The following FOXP2 variants were observed in gnomAD, a reference collection of about 807,000 sequenced individuals.
The protein encoded by FOXP2 is forkhead box P2.
FOXP2 carries 12 observed loss-of-function variants against 115.8 expected under a neutral mutation model. The ratio of observed to expected loss-of-function variants is 0.10; its 90% CI spans 0.07 to 0.17. The LOEUF (loss-of-function observed/expected upper bound fraction) is 0.17, where lower values mean the gene tolerates loss of function less well. FOXP2 is among the 10% of genes least tolerant of loss of function. FOXP2 has a pLI of 1.00. For synonymous variants in FOXP2, 328 were observed against 297.7 expected (o/e 1.10, Z -1.05); for missense variants, 629 against 843.5 (o/e 0.75, Z 3.15).
intron 3 of FOXP2, among the ~76,000 whole-genome samples, chr7:114,611,265 T>G (rs1803614431): frequency 6.6e-6 from 1 of 152,252 alleles, no homozygotes; most frequent in Non-Finnish European, 1.5e-5. Flanking sequence ...TGAACACATT[T>G]AAAAATTTTA....
chr7:114,418,155 G>A (rs143840670), intron 1 of FOXP2, among the ~76,000 whole-genome samples: 1 of 151,932 alleles, frequency 6.6e-6, no homozygotes, highest in Non-Finnish European at 1.5e-5. Context: ...CTTCTGGAAA[G>A]ATTATTTTTC....
chr7:114,286,030 A>G (rs1033299072), intron 1 of FOXP2, among the ~76,000 whole-genome samples: 21 of 151,928 alleles, frequency 1.4e-4, no homozygotes, highest in African/African-American at 5.1e-4. Flanking sequence ...ATATTTGCCT[A>G]ATTTTTTTTC....
chr7:114,585,762 G>A (rs1277342459), intron 3 of FOXP2, among the ~76,000 whole-genome samples: 1 of 152,118 alleles, frequency 6.6e-6, no homozygotes, highest in East Asian at 1.9e-4. Flanking sequence ...AGCTACTTGG[G>A]AGGCTGAAGT....
chr7:114,110,769 C>T (rs548861098), intron 1 of FOXP2, among the ~76,000 whole-genome samples: 2 of 152,242 alleles, frequency 1.3e-5, no homozygotes, highest in East Asian at 3.9e-4. Flanking sequence ...GTAGGGGGAA[C>T]TACTTGGCCC....
At chr7:114,204,465 G>A (rs1248109895) in intron 1 of FOXP2, among the ~76,000 whole-genome samples, 1 of 152,024 alleles carries the variant, frequency 6.6e-6, no homozygotes, top group Non-Finnish European at 1.5e-5. Context: ...GTAAGGAAGG[G>A]GTTTAACTCA....
intron 2 of FOXP2, among the ~76,000 whole-genome samples, chr7:114,490,855 A>G (rs1346725228): frequency 6.6e-6 from 1 of 152,124 alleles, no homozygotes; most frequent in Non-Finnish European, 1.5e-5. Flanking sequence ...TTATGGCTGC[A>G]TAGTATTCCA....
intron 2 of FOXP2, among the ~76,000 whole-genome samples, chr7:114,454,228 C>G (rs2129220677): frequency 6.6e-6 from 1 of 152,124 alleles, no homozygotes; most frequent in South Asian, 2.1e-4. Context: ...AGACACTTCT[C>G]AAAAGAAGAC....
chr7:114,213,131 T>C (rs1047843340), intron 1 of FOXP2, among the ~76,000 whole-genome samples: 15 of 152,234 alleles, frequency 9.9e-5, no homozygotes, highest in African/African-American at 3.1e-4. Flanking sequence ...ACTATCCCAT[T>C]GTTTTCTGGA....
Position 114,691,547 on chromosome 7 carries a change from T to C in FOXP2, c.*1621T>C, listed in dbSNP as rs1236694880. 2.2e-6 allele frequency: 1 copy of C among 453,968 alleles called. No homozygotes were observed. Among genetic ancestry groups the C allele is most frequent in the Non-Finnish European group, 4.4e-6 (1 of 226,744 alleles). The allele number at this position is 453,968 out of a possible 1,614,324, so 28.1% of individuals were successfully genotyped here. A position where few individuals can be genotyped will look rare whatever the true frequency, so the allele number is the denominator to read the frequency against. ...TTGACAATTCCAAACCCCAAAACTA[T>C]GATAATGAGTTATGATGTAGTTGAA... On this transcript the variant is annotated 3_prime_UTR_variant, in exon 17 of 17. Coordinates refer to ENST00000350908, the MANE Select transcript of FOXP2 (RefSeq NM_014491.4).
rs755320772 is a variant in FOXP2, at chr7:114,693,362, G to A, written c.*3436G>A. On this transcript the variant is annotated 3_prime_UTR_variant, in exon 17 of 17. Coordinates refer to ENST00000350908, the MANE Select transcript of FOXP2 (RefSeq NM_014491.4). ...GAAGTACACTTACATAAACCATCCT[G>A]GACTTTAATGTCCCTGGGCAGATTC... The A allele has an allele frequency of 8.8e-6, 4 of 453,710 alleles. No homozygotes were observed. The highest frequency in any genetic ancestry group is 4.7e-5 in the South Asian group (3 of 64,442). The allele number at this position is 453,710 out of a possible 1,614,324, so 28.1% of individuals were successfully genotyped here. A position where few individuals can be genotyped will look rare whatever the true frequency, so the allele number is the denominator to read the frequency against.
At chr7:114,574,666 A>G (rs1801486678) in intron 3 of FOXP2, among the ~76,000 whole-genome samples, 1 of 151,840 alleles carries the variant, frequency 6.6e-6, no homozygotes, top group Non-Finnish European at 1.5e-5. Context: ...AAGTAATCTT[A>G]TTGTTAGTGT....
At chr7:114,382,323 C>T (rs552687535) in intron 2 of FOXP2, among the ~76,000 whole-genome samples, 40 of 152,284 alleles carry the variant, frequency 2.6e-4, no homozygotes, top group Non-Finnish European at 5.1e-4. Flanking sequence ...GCGCTTGCCC[C>T]GGGCACCCTC....
intron 15 of FOXP2, 72 bp downstream of exon 15, chr7:114,663,591 A>G (rs1318974045): frequency 9.2e-7 from 1 of 1,086,000 alleles, no homozygotes. Flanking sequence ...ATGTCTTTGT[A>G]TTTAGGTGAG....
chr7:114,197,459 T>C (rs1046043341), intron 1 of FOXP2, among the ~76,000 whole-genome samples: 6 of 152,128 alleles, frequency 3.9e-5, no homozygotes, highest in Non-Finnish European at 8.8e-5. Context: ...CTGTGTCTCT[T>C]TATGAGGGCA....
At chr7:114,586,018 G>C (rs1228413971) in intron 3 of FOXP2, among the ~76,000 whole-genome samples, 7 of 152,128 alleles carry the variant, frequency 4.6e-5, no homozygotes, top group Admixed American at 4.6e-4. Flanking sequence ...GGGTGTGTGT[G>C]TGTGTAGTGT....
At chr7:114,611,538 C>T (rs1008752319) in intron 3 of FOXP2, among the ~76,000 whole-genome samples, 1 of 152,096 alleles carries the variant, frequency 6.6e-6, no homozygotes, top group Non-Finnish European at 1.5e-5. Flanking sequence ...CCTCATGAAG[C>T]TTAGGGAAAA....
rs561458918 is a variant in FOXP2 at position 114,145,415 on chromosome 7, A to G, written c.-246-17529A>G. Among the ~76,000 whole-genome samples the G allele has an allele frequency of 2.7e-5, 3 of 112,194 alleles. No individual in the cohort carries two copies. The East Asian group carries it at 6.4e-4, about 24-fold the overall frequency. 73.6% of individuals were successfully genotyped at this position (112,194 alleles called of 152,430 possible). ...TTAAATATTGGGCAGTTATTTTAAA[A>G]TAGTAGCTTTGCCATTTTTTCTTTT... On this transcript the variant is annotated intron_variant, in intron 1 of 19. Transcript: ENST00000635638.
intron 3 of FOXP2, among the ~76,000 whole-genome samples, chr7:114,619,042 G>A (rs1417088453): frequency 6.6e-6 from 1 of 152,112 alleles, no homozygotes; most frequent in East Asian, 1.9e-4. Context: ...TAAACAGCTT[G>A]AACAAAGTGA....
intron 1 of FOXP2, among the ~76,000 whole-genome samples, chr7:114,276,030 C>T (rs1350568932): frequency 1.3e-5 from 2 of 152,174 alleles, no homozygotes; most frequent in Non-Finnish European, 2.9e-5. Context: ...TGAATATTTC[C>T]TTTCCTTCAG....
Sources: allele counts gnomAD v4.1 joint callset (sites outside exome capture counted in the v4.1 genomes callset), GRCh38; gene constraint gnomAD v4.1.1; transcripts MANE v1.5; gene names NCBI Gene and HGNC (gene_info 2026-07-23, HGNC 2026-07-21).